The following SLC15A4 variants were observed in gnomAD, a reference collection of about 807,000 sequenced individuals.
The protein encoded by SLC15A4 is solute carrier family 15 member 4, also known as hPHT1.
Under a neutral mutation model 46.1 loss-of-function variants are expected in SLC15A4, and 26 were observed. The observed-to-expected ratio is 0.56, with a 90% confidence interval of 0.41 to 0.78. The LOEUF (loss-of-function observed/expected upper bound fraction) is 0.78, where lower values mean the gene tolerates loss of function less well. Ranked by LOEUF, SLC15A4 falls within the 30% of genes least tolerant of loss-of-function variation. The pLI is 0.00. For missense variants in SLC15A4, 751 were observed against 755.7 expected, an observed-to-expected ratio of 0.99 and a Z score of 0.07; for synonymous variants, 370 against 333.4, an observed-to-expected ratio of 1.11 and a Z score of -1.20.
intron 5 of SLC15A4, among the ~76,000 whole-genome samples, chr12:128,807,420 G>A (rs904857820): frequency 1.1e-4 from 16 of 152,206 alleles, no homozygotes; most frequent in Non-Finnish European, 1.5e-4. Context: ...AAAAGCCTCC[G>A]GAAACCAAGG....
intron 7 of SLC15A4, among the ~76,000 whole-genome samples, chr12:128,797,595 G>C (rs1262595495): frequency 6.6e-6 from 1 of 152,174 alleles, no homozygotes; most frequent in Non-Finnish European, 1.5e-5. Flanking sequence ...AAACTCTGGG[G>C]ACTCTCCCTT....
chr12:128,821,724 A>G (rs1955841836), intron 1 of SLC15A4, among the ~76,000 whole-genome samples: 1 of 152,116 alleles, frequency 6.6e-6, no homozygotes, highest in African/African-American at 2.4e-5. Context: ...CGTCTCTACT[A>G]GAAATACAAA....
At chr12:128,798,126 G>C (rs1033971643) in intron 7 of SLC15A4, among the ~76,000 whole-genome samples, 1 of 152,242 alleles carries the variant, frequency 6.6e-6, no homozygotes, top group Non-Finnish European at 1.5e-5. Flanking sequence ...AGAATGACCA[G>C]CCAATCCTTT....
Position 128,823,401 on chromosome 12 carries a change from G to C in SLC15A4, c.543C>G (p.Asp181Glu). The C allele has an allele frequency of 7.0e-7, 1 of 1,432,230 alleles. No individual in the cohort carries two copies. Among genetic ancestry groups the C allele is most frequent in the Non-Finnish European group, 9.1e-7 (1 of 1,099,626 alleles). The allele number at this position is 1,432,230 out of a possible 1,614,324, so 88.7% of individuals were successfully genotyped here. The change falls in exon 1 of 8, where the codon GAC becomes GAG. Residue 181 changes from aspartate (D) to glutamate (E), a missense_variant. Coordinates refer to ENST00000266771, the MANE Select transcript of SLC15A4 (RefSeq NM_145648.4). ...AGCGCGCGGGGGCGCGGCTCACCTGGTCGGCGCCGAAGGGCGTGATGTTGG... is the reference window on the plus strand; with the variant it reads ...AGCGCGCGGGGGCGCGGCTCACCTGCTCGGCGCCGAAGGGCGTGATGTTGG... ...VKANITPFGA[D>E]QVKDRGPEAT...
chr12:128,809,063 C>T, intron 4 of SLC15A4, 107 bp from the exon 5 acceptor site: 1 of 1,038,028 alleles, frequency 9.6e-7, no homozygotes, highest in Non-Finnish European at 1.4e-6. Flanking sequence ...AACAGTTCCT[C>T]TCCACAAGGT....
At chr12:128,813,401 G>C (rs140247150) in intron 2 of SLC15A4, 3 of 152,280 alleles carry the variant, frequency 2.0e-5, no homozygotes, top group African/African-American at 7.2e-5. Flanking sequence ...TGACCCACTG[G>C]CATTTCCAAT....
At chr12:128,804,834 A>G (rs1330709661) in intron 5 of SLC15A4, among the ~76,000 whole-genome samples, 2 of 152,238 alleles carry the variant, frequency 1.3e-5, no homozygotes, top group Non-Finnish European at 2.9e-5. Context: ...AAAGATAATT[A>G]TTGTCCCCTT....
At chr12:128,805,769 T>C (rs1439607642) in intron 5 of SLC15A4, among the ~76,000 whole-genome samples, 2 of 152,112 alleles carry the variant, frequency 1.3e-5, no homozygotes. Context: ...CAACCTCAGG[T>C]GATCTACTCG....
At chr12:128,818,278 G>A (rs1006021792) in intron 1 of SLC15A4, among the ~76,000 whole-genome samples, 1 of 152,096 alleles carries the variant, frequency 6.6e-6, no homozygotes, top group East Asian at 1.9e-4. Context: ...TCCTCTTTCA[G>A]AAGCCAACTA....
intron 1 of SLC15A4, 54 bp from the exon 2 acceptor site, chr12:128,815,124 GA>G: frequency 1.3e-6 from 2 of 1,531,866 alleles, no homozygotes; most frequent in Middle Eastern, 1.7e-4. Flanking sequence ...CTTCAAGGAT[GA>G]AAACCATATA....
rs1454319415 is a variant in SLC15A4 at position 128,815,067 on chromosome 12, T to C, written c.550A>G (p.Lys184Glu). The C allele has an allele frequency of 6.2e-7, 1 of 1,604,708 alleles. No individual in the cohort carries two copies. Among genetic ancestry groups the C allele is most frequent in the Non-Finnish European group, 8.5e-7 (1 of 1,172,496 alleles). ...NITPFGADQV[K>E]DRGPEATRRF... ...CTAGTGGCTTCCGGACCTCGATCTT[T>C]AACCTAAAATAACAGGGAGGAAAGA... Residue 184 changes from lysine to glutamate, a missense_variant, in exon 2 of 8, where the codon AAA becomes GAA. Transcript: ENST00000266771.
chr12:128,812,399 A>G (rs1955669122), intron 2 of SLC15A4, among the ~76,000 whole-genome samples: 1 of 151,958 alleles, frequency 6.6e-6, no homozygotes, highest in African/African-American at 2.4e-5. Context: ...GGCTCACTGC[A>G]AGCTCCGCCT....
Position 128,805,963 on chromosome 12 carries a change from C to T in SLC15A4, c.1258+2825G>A, listed in dbSNP as rs185027712. On this transcript the variant is annotated intron_variant, in intron 5 of 7. Coordinates refer to ENST00000266771, the MANE Select transcript of SLC15A4 (RefSeq NM_145648.4). ...TTGGGAGGCTGAGGTGGGCAGATCA[C>T]GAGGTCAGGAGATCGAGACCACGAT... Among the ~76,000 whole-genome samples, 106 of 151,960 alleles carry T rather than the reference C, an allele frequency of 7.0e-4. 1 individual carries two copies. Among genetic ancestry groups the T allele is most frequent in the Admixed American group, 1.2e-3 (18 of 15,258 alleles).
intron 1 of SLC15A4, among the ~76,000 whole-genome samples, chr12:128,818,228 T>C (rs1955785963): frequency 6.6e-6 from 1 of 151,972 alleles, no homozygotes; most frequent in Non-Finnish European, 1.5e-5. Flanking sequence ...TGACATGATT[T>C]ACACGAACAT....
Position 128,794,107 on chromosome 12 carries a change from A to G in SLC15A4, c.*89T>C. ...AAGTTTCAGTGAAGTCAGACATTTT[A>G]TGGGAATTTAAAGTCTTGCCTGTTC... On this transcript the variant is annotated 3_prime_UTR_variant, in exon 8 of 8. Coordinates refer to ENST00000266771, the MANE Select transcript of SLC15A4 (RefSeq NM_145648.4). The G allele has an allele frequency of 8.1e-7, 1 of 1,229,088 alleles. No individual in the cohort carries two copies. Among genetic ancestry groups the G allele is most frequent in the Non-Finnish European group, 1.1e-6 (1 of 881,402 alleles). 76.1% of individuals were successfully genotyped at this position (1,229,088 alleles called of 1,614,324 possible).
rs140351164 is a variant in SLC15A4, at chr12:128,821,613, C to A, written c.546+1785G>T. Among the ~76,000 whole-genome samples the A allele has an allele frequency of 7.6e-4, 115 of 152,168 alleles. 1 individual carries two copies. Among genetic ancestry groups the A allele is most frequent in the Admixed American group, 7.5e-3 (115 of 15,264 alleles). Reference sequence around the variant, plus strand: ...CTTAAAAATGTAAGAACTAGCTGGGCGCCGTGGCTCATGCCTGTAACCCCA... The same window carrying A: ...CTTAAAAATGTAAGAACTAGCTGGGAGCCGTGGCTCATGCCTGTAACCCCA... On this transcript the variant is annotated intron_variant, in intron 1 of 7. Coordinates refer to ENST00000266771, the MANE Select transcript of SLC15A4 (RefSeq NM_145648.4).
intron 6 of SLC15A4, 36 bp from the exon 7 acceptor site, chr12:128,799,453 GGGGCACTTTAACACAT>G: frequency 3.1e-6 from 5 of 1,611,556 alleles, no homozygotes; most frequent in Non-Finnish European, 4.2e-6. Flanking sequence ...TTTTGTGAAA[GGGGCACTTTAACACAT>G]GGGATCAAAG....
At chr12:128,794,430 T>C in intron 7 of SLC15A4, 74 bp from the exon 8 acceptor site, 1 of 1,441,618 alleles carries the variant, frequency 6.9e-7, no homozygotes, top group Non-Finnish European at 9.4e-7. Context: ...TACTATTTAA[T>C]CTGGTTCCCA....
Position 128,809,646 on chromosome 12 carries a change from C to T in SLC15A4, c.1012-173G>A, listed in dbSNP as rs544051076. ...TCAATGATTTGGTCATCGTAAAGTC[C>T]TCTGGAGATCAATTTTGAAAAAGAA... On this transcript the variant is annotated intron_variant, in intron 3 of 7. Coordinates refer to ENST00000266771, the MANE Select transcript of SLC15A4 (RefSeq NM_145648.4). 5.3e-6 allele frequency: 3 copies of T among 566,336 alleles called. No homozygotes were observed. In the South Asian group the frequency reaches 7.4e-5, roughly 14 times the overall value. 35.1% of individuals were successfully genotyped at this position (566,336 alleles called of 1,614,324 possible).
Sources: allele counts gnomAD v4.1 joint callset (sites outside exome capture counted in the v4.1 genomes callset), GRCh38; gene constraint gnomAD v4.1.1; transcripts MANE v1.5; gene names NCBI Gene and HGNC (gene_info 2026-07-23, HGNC 2026-07-21).